TPCN1: variants seen among roughly 807,000 people sequenced by gnomAD.
The protein encoded by TPCN1 is two pore segment channel 1.
TPCN1 carries 52 observed loss-of-function variants against 108.8 expected under a neutral mutation model. The observed-to-expected ratio is 0.48, with a 90% confidence interval of 0.38 to 0.60. The LOEUF (loss-of-function observed/expected upper bound fraction) is 0.60, where lower values mean the gene tolerates loss of function less well. TPCN1 is among the 20% of genes least tolerant of loss of function. The pLI, the probability that TPCN1 is intolerant of heterozygous loss-of-function variation, is 0.00. For synonymous variants in TPCN1, 446 were observed against 433.7 expected (o/e 1.03, Z -0.35); for missense variants, 806 against 1,072.8 (o/e 0.75, Z 3.47).
intron 2 of TPCN1, among the ~76,000 whole-genome samples, chr12:113,257,232 C>T (rs569667423): frequency 6.6e-6 from 1 of 152,336 alleles, no homozygotes; most frequent in East Asian, 1.9e-4. Flanking sequence ...CAGCCCATGC[C>T]TGTGATCCCA....
chr12:113,294,429 C>G (rs545025400), intron 27 of TPCN1, among the ~76,000 whole-genome samples: 9 of 152,034 alleles, frequency 5.9e-5, no homozygotes, highest in Admixed American at 2.6e-4. Context: ...GAGCTCGAGA[C>G]CAGCCTGGCC....
At position 113,269,699 on chromosome 12, in the gene TPCN1, A is replaced by C. The variant is rs1955416022; in HGVS notation, c.660-58A>C. 5 of 1,443,798 alleles carry C rather than the reference A, an allele frequency of 3.5e-6. No homozygotes were observed. The South Asian group carries it at 5.8e-5, about 17-fold the overall frequency. 89.4% of individuals were successfully genotyped at this position (1,443,798 alleles called of 1,614,324 possible). A position where few individuals can be genotyped will look rare whatever the true frequency, so the allele number is the denominator to read the frequency against. On this transcript the variant is annotated intron_variant, in intron 6 of 27. Coordinates refer to ENST00000335509, the MANE Select transcript of TPCN1 (RefSeq NM_017901.6). The surrounding 1 kb of genome is among the most constrained non-coding windows in gnomAD (Gnocchi z 5.0). ...CTAGGCCTCCATCTCAACAAGGAGG[A>C]GTCCCAGGCAGCCCGCCCCAGCTGG... is the stretch of plus-strand genomic sequence containing the variant.
intron 2 of TPCN1, among the ~76,000 whole-genome samples, chr12:113,228,306 C>T (rs778894362): frequency 2.3e-4 from 35 of 152,180 alleles, no homozygotes; most frequent in Non-Finnish European, 3.7e-4. Context: ...CTTCATCACC[C>T]TTAATAAATG....
intron 26 of TPCN1, 31 bp downstream of exon 26, chr12:113,293,104 G>A (rs1353633320): frequency 1.2e-6 from 2 of 1,604,198 alleles, no homozygotes; most frequent in Non-Finnish European, 1.7e-6. Flanking sequence ...TCCGAAGGAG[G>A]GAGGCAGGTT....
intron 2 of TPCN1, chr12:113,244,842 A>C (rs1431064838): frequency 1.1e-6 from 1 of 872,710 alleles, no homozygotes; most frequent in Admixed American, 6.2e-5. Context: ...TAAGATCGTG[A>C]ACTGTGGGGA....
At chr12:113,274,534 C>G (rs923148715) in intron 10 of TPCN1, among the ~76,000 whole-genome samples, 3 of 152,088 alleles carry the variant, frequency 2.0e-5, no homozygotes, top group Non-Finnish European at 4.4e-5. Context: ...TACAACCATC[C>G]TTTTCTTTTT....
At chr12:113,292,756 C>T in intron 25 of TPCN1, 178 bp from the exon 26 acceptor site, 2 of 691,912 alleles carry the variant, frequency 2.9e-6, no homozygotes, top group East Asian at 2.7e-5. Context: ...CCTGACATCA[C>T]AGCAGAGGGA....
Position 113,272,510 on chromosome 12 carries a change from G to A in TPCN1, c.749-148G>A. On this transcript the variant is annotated intron_variant, in intron 7 of 27. Coordinates refer to ENST00000335509, the MANE Select transcript of TPCN1 (RefSeq NM_017901.6). The surrounding 1 kb of genome is among the most constrained non-coding windows in gnomAD (Gnocchi z 4.1). ...CCTGCTCCCTTCCAACAGAGCATGTGTTCTCAGGGTGCTGTGGTCCCCAGC... is the reference window on the plus strand; with the variant it reads ...CCTGCTCCCTTCCAACAGAGCATGTATTCTCAGGGTGCTGTGGTCCCCAGC... 2.6e-6 allele frequency: 2 copies of A among 765,462 alleles called. No individual in the cohort carries two copies. The highest frequency in any genetic ancestry group is 2.4e-5 in the East Asian group (1 of 40,974). 47.4% of individuals were successfully genotyped at this position (765,462 alleles called of 1,614,324 possible).
In TPCN1 at chr12:113,257,249, T is replaced by C. The variant is rs531918521; in HGVS notation, c.113-3119T>C. 2.0e-5 allele frequency among the ~76,000 whole-genome samples: 3 copies of C among 152,294 alleles called. No homozygotes were observed. The East Asian group carries it at 5.8e-4, about 29-fold the overall frequency. ...GCCCATGCCTGTGATCCCAACACTT[T>C]GGGAGGCCGAGGCGGGCAGATCACC... On this transcript the variant is annotated intron_variant, in intron 2 of 27. Transcript: ENST00000335509.
At chr12:113,295,867 C>T in intron 27 of TPCN1, 93 bp from the exon 28 acceptor site, 2 of 1,396,692 alleles carry the variant, frequency 1.4e-6, no homozygotes, top group Middle Eastern at 2.6e-4. Flanking sequence ...CTGCCCCTTC[C>T]AGCCTGGATG....
At chr12:113,257,488 C>CA (rs77052703) in intron 2 of TPCN1, among the ~76,000 whole-genome samples, 4,969 of 96,494 alleles carry the variant, frequency 0.051, 220 homozygotes, top group East Asian at 0.18. Flanking sequence ...GAGACCGTCT[C>CA]AAAAAAAAAA....
chr12:113,293,253 C>T lies in TPCN1; in HGVS notation c.2254-16C>T, dbSNP rs1482270741. ...AATATCTGCAGCCGAGCCCTGCAGC[C>T]TCTGCTCTTCCTTAGCAACATTCCA... is the stretch of plus-strand genomic sequence containing the variant. On this transcript the variant is annotated splice_polypyrimidine_tract_variant and intron_variant, in intron 26 of 27. Coordinates refer to ENST00000335509, the MANE Select transcript of TPCN1 (RefSeq NM_017901.6). 1.1e-5 allele frequency: 17 copies of T among 1,613,830 alleles called. No individual in the cohort carries two copies. In the South Asian group the frequency reaches 1.8e-4, roughly 17 times the overall value.
At chr12:113,276,888 T>C (rs761178072) in intron 10 of TPCN1, 31 bp from the exon 11 acceptor site, 1 of 1,515,534 alleles carries the variant, frequency 6.6e-7, no homozygotes, top group South Asian at 1.1e-5. Context: ...CTCAAGGTCC[T>C]GAGCTAGGGC....
In TPCN1 at chr12:113,269,772, C is replaced by T; in HGVS notation, c.675C>T (p.Ile225=). The change falls in exon 7 of 28, where the codon ATC becomes ATT. Residue 225 remains isoleucine (I), a synonymous_variant. Transcript: ENST00000335509. This position sits in a 1 kb window ranked among gnomAD's most constrained non-coding sequence, Gnocchi z 5.0. ...CTCTCCCCAGCAACCTGCGGCAGAT[C>T]TTCCAGTCCCTGCCGCCCTTCATGG... ...CGGVRRNLRQ[I]FQSLPPFMDI... 1 of 1,613,780 alleles carries T rather than the reference C, an allele frequency of 6.2e-7. No homozygotes were observed. Among genetic ancestry groups the T allele is most frequent in the Non-Finnish European group, 8.5e-7 (1 of 1,180,020 alleles).
chr12:113,235,565 G>A (rs991250225), intron 2 of TPCN1, among the ~76,000 whole-genome samples: 5 of 150,908 alleles, frequency 3.3e-5, no homozygotes, highest in Admixed American at 6.6e-5. Context: ...TCCTTAAATC[G>A]TCACTTTCTT....
rs748215058 is a variant in TPCN1, at chr12:113,288,352, G to T, written c.1706+118G>T. On this transcript the variant is annotated intron_variant, in intron 20 of 27. Transcript: ENST00000335509. This position sits in a 1 kb window ranked among gnomAD's most constrained non-coding sequence, Gnocchi z 4.8. Reference sequence around the variant, plus strand: ...GTTCCACAAAGGACTGCAATCGAGGGCCTGACGGGGCTCCAAGGAGCCTGG... The same window carrying T: ...GTTCCACAAAGGACTGCAATCGAGGTCCTGACGGGGCTCCAAGGAGCCTGG... The T allele has an allele frequency of 8.5e-6, 13 of 1,529,580 alleles. No homozygotes were observed. Among genetic ancestry groups the T allele is most frequent in the Non-Finnish European group, 8.8e-6 (10 of 1,140,480 alleles). The allele number at this position is 1,529,580 out of a possible 1,614,324, so 94.8% of individuals were successfully genotyped here.
chr12:113,221,820 C>A (rs1331714927), intron 1 of TPCN1, among the ~76,000 whole-genome samples, 194 bp downstream of exon 1: 1 of 152,308 alleles, frequency 6.6e-6, no homozygotes, highest in South Asian at 2.1e-4. Context: ...CACCCTCTCT[C>A]CTCGCCCCCG....
chr12:113,225,314 C>T (rs974396476), intron 1 of TPCN1: 30 of 447,534 alleles, frequency 6.7e-5, no homozygotes, highest in Non-Finnish European at 1.1e-4. Context: ...CCACCTTGAC[C>T]TCCCAAAGCG....
chr12:113,271,733 C>T (rs1388092674), intron 7 of TPCN1, among the ~76,000 whole-genome samples: 2 of 152,220 alleles, frequency 1.3e-5, no homozygotes, highest in Non-Finnish European at 2.9e-5. Flanking sequence ...GTGTGTTTCC[C>T]GGTGCTCACG....
Sources: allele counts gnomAD v4.1 joint callset (sites outside exome capture counted in the v4.1 genomes callset), GRCh38; gene constraint gnomAD v4.1.1; non-coding constraint Gnocchi (gnomAD v3.1); transcripts MANE v1.5; gene names NCBI Gene and HGNC (gene_info 2026-07-23, HGNC 2026-07-21).